The following DCK variants were observed in gnomAD, a reference collection of about 807,000 sequenced individuals.
DCK encodes deoxycytidine kinase.
Under a neutral mutation model 38.3 loss-of-function variants are expected in DCK, and 23 were observed. That is an observed-to-expected ratio of 0.60 (90% CI 0.43 to 0.85). DCK has a LOEUF of 0.85. DCK is among the 40% of genes least tolerant of loss of function. The probability of loss-of-function intolerance (pLI) is 0.00; values close to 1 mark genes in which losing one functional copy is unlikely to be tolerated. For synonymous variants in DCK, 108 were observed against 100.6 expected, an observed-to-expected ratio of 1.07 and a Z score of -0.44; for missense variants, 259 against 304.4, an observed-to-expected ratio of 0.85 and a Z score of 1.11.
chr4:71,001,018 C>G (rs1739789136), intron 2 of DCK, among the ~76,000 whole-genome samples: 1 of 152,130 alleles, frequency 6.6e-6, no homozygotes, highest in African/African-American at 2.4e-5. Context: ...CTTTCTCTTG[C>G]CTGATTGCCC....
chr4:71,021,310 C>T (rs925208475), intron 2 of DCK, among the ~76,000 whole-genome samples: 1 of 151,940 alleles, frequency 6.6e-6, no homozygotes, highest in Non-Finnish European at 1.5e-5. Flanking sequence ...CTCCTGACCT[C>T]ATGATCCACC....
chr4:70,996,227 G>A (rs138349289), intron 1 of DCK, among the ~76,000 whole-genome samples: 33 of 150,008 alleles, frequency 2.2e-4, no homozygotes, highest in African/African-American at 7.3e-4. Context: ...AAAGCCAGTT[G>A]TGTTAGCATG....
chr4:71,007,170 A>G (rs928066365), intron 2 of DCK, among the ~76,000 whole-genome samples: 1 of 152,234 alleles, frequency 6.6e-6, no homozygotes, highest in East Asian at 1.9e-4. Flanking sequence ...CTTTCTTCCC[A>G]TATAGACCTC....
intron 2 of DCK, among the ~76,000 whole-genome samples, chr4:71,010,611 A>C (rs1416714076): frequency 6.8e-6 from 1 of 147,616 alleles, no homozygotes; most frequent in Non-Finnish European, 1.5e-5. Context: ...AATTATATTT[A>C]ATTTTATATT....
Position 70,993,839 on chromosome 4 carries a change from G to A in DCK, c.4G>A (p.Ala2Thr). The A allele has an allele frequency of 1.9e-6, 3 of 1,612,978 alleles. No homozygotes were observed. The highest frequency in any genetic ancestry group is 2.5e-6 in the Non-Finnish European group (3 of 1,179,236). The change falls in exon 1 of 7, where the codon GCC becomes ACC. Residue 2 changes from alanine to threonine, a missense_variant. Ala to Thr is a moderately conservative substitution (Grantham distance 58, BLOSUM62 0). This residue lies in a region of DCK where 159 missense variants were observed against 159.0 expected (regional missense o/e 1.00). Transcript: ENST00000286648. The part of the protein sequence containing the change: M[A>T]TPPKRSCPSF... ...TGGGCCGCCACAAGACTAAGGAATG[G>A]CCACCCCGCCCAAGAGAAGCTGCCC... is the stretch of plus-strand genomic sequence containing the variant.
At position 71,023,771 on chromosome 4, in the gene DCK, G is replaced by A. The variant is rs970493696; in HGVS notation, c.549+65G>A. 9 of 1,482,062 alleles carry A rather than the reference G, an allele frequency of 6.1e-6. No homozygotes were observed. In the Admixed American group the frequency reaches 6.5e-5, roughly 11 times the overall value. 91.8% of individuals were successfully genotyped at this position (1,482,062 alleles called of 1,614,324 possible). A position where few individuals can be genotyped will look rare whatever the true frequency, so the allele number is the denominator to read the frequency against. ...GAAATATTTAGAACTCTTTTCAGTGGTATATAATGAGGGCAATTTAGTTTA... is the reference window on the plus strand; with the variant it reads ...GAAATATTTAGAACTCTTTTCAGTGATATATAATGAGGGCAATTTAGTTTA... On this transcript the variant is annotated intron_variant, in intron 4 of 6. Coordinates refer to ENST00000286648, the MANE Select transcript of DCK (RefSeq NM_000788.3).
At chr4:70,995,746 A>G (rs1369667078) in intron 1 of DCK, among the ~76,000 whole-genome samples, 2 of 152,178 alleles carry the variant, frequency 1.3e-5, no homozygotes, top group African/African-American at 4.8e-5. Flanking sequence ...TTCCTAATAT[A>G]TCATCCCATC....
At chr4:70,995,974 G>C in intron 1 of DCK, among the ~76,000 whole-genome samples, 1 of 152,174 alleles carries the variant, frequency 6.6e-6, no homozygotes, top group East Asian at 1.9e-4. Flanking sequence ...GGGAGGCTGA[G>C]GCAGGAGGAT....
At chr4:71,023,048 C>T (rs1016975648) in intron 3 of DCK, among the ~76,000 whole-genome samples, 1 of 152,080 alleles carries the variant, frequency 6.6e-6, no homozygotes, top group African/African-American at 2.4e-5. Context: ...GTCCAAAGAG[C>T]ATGTCCTATT....
intron 4 of DCK, among the ~76,000 whole-genome samples, chr4:71,024,216 G>T (rs1740495582): frequency 6.6e-6 from 1 of 152,106 alleles, no homozygotes; most frequent in African/African-American, 2.4e-5. Flanking sequence ...TTTGTGCCTT[G>T]GAATGAGTGG....
rs182609616 is a variant in DCK at position 71,008,842 on chromosome 4, C to T, written c.207+10660C>T. ...ATCATTAAGGTAATTGAATTTAGAT[C>T]AGTTTATTCTTTATTTGGTTCGTAA... On this transcript the variant is annotated intron_variant, in intron 2 of 6. Transcript: ENST00000286648. Among the ~76,000 whole-genome samples, 8 of 152,262 alleles carry T rather than the reference C, an allele frequency of 5.3e-5. No homozygotes were observed. In the East Asian group the frequency reaches 7.7e-4, roughly 15 times the overall value.
chr4:71,006,294 G>A (rs961927998), intron 2 of DCK: 11 of 947,664 alleles, frequency 1.2e-5, no homozygotes, highest in South Asian at 4.9e-5. Flanking sequence ...GCATTTTACC[G>A]TTCTGCACTG....
chr4:71,015,476 A>T (rs1740236991), intron 2 of DCK, among the ~76,000 whole-genome samples: 1 of 152,198 alleles, frequency 6.6e-6, no homozygotes, highest in African/African-American at 2.4e-5. Flanking sequence ...CAGAGACACA[A>T]CAAAAAAAGA....
intron 2 of DCK, among the ~76,000 whole-genome samples, chr4:71,009,258 A>AC (rs1186398695): frequency 6.6e-6 from 1 of 152,184 alleles, no homozygotes; most frequent in African/African-American, 2.4e-5. Context: ...AAAAGTCATC[A>AC]CCCTAGTGAA....
intron 2 of DCK, among the ~76,000 whole-genome samples, chr4:71,007,067 C>G (rs1442042298): frequency 6.6e-6 from 1 of 152,102 alleles, no homozygotes; most frequent in Non-Finnish European, 1.5e-5. Flanking sequence ...TTTTCATACA[C>G]CTTCTATTTG....
chr4:71,018,879 C>T (rs1740340005), intron 2 of DCK, among the ~76,000 whole-genome samples: 1 of 151,900 alleles, frequency 6.6e-6, no homozygotes, highest in Admixed American at 6.6e-5. Context: ...GCCATGTTGC[C>T]CAGGCTGGTC....
chr4:71,016,557 A>G (rs1183715311), intron 2 of DCK, among the ~76,000 whole-genome samples: 1 of 152,202 alleles, frequency 6.6e-6, no homozygotes, highest in Non-Finnish European at 1.5e-5. Context: ...CAGTAACCAA[A>G]ACAGCATGGT....
intron 6 of DCK, chr4:71,028,720 G>A: frequency 2.5e-6 from 1 of 404,676 alleles, no homozygotes; most frequent in Non-Finnish European, 4.8e-6. Flanking sequence ...AGCCTCCTAA[G>A]TAGGTGGGAT....
intron 2 of DCK, among the ~76,000 whole-genome samples, chr4:71,014,205 A>G (rs1487982968): frequency 1.3e-5 from 2 of 152,256 alleles, no homozygotes; most frequent in Non-Finnish European, 2.9e-5. Context: ...GATCAATACA[A>G]CAACAAGAGC....
Sources: gnomAD v4.1 joint callset for allele counts (sites outside exome capture counted in the v4.1 genomes callset) on GRCh38, gnomAD v4.1.1 for gene constraint, gnomAD v4.1.1 regional missense constraint, MANE v1.5 for transcripts, NCBI Gene and HGNC (gene_info 2026-07-23, HGNC 2026-07-21) for gene names.